PRMT8: variants seen among roughly 807,000 people sequenced by gnomAD.
The protein encoded by PRMT8 is protein arginine N-methyltransferase 8.
In PRMT8, 7 loss-of-function variants were observed where a neutral mutation model predicts 47.1. The ratio of observed to expected loss-of-function variants is 0.15; its 90% confidence interval spans 0.08 to 0.28. PRMT8 has a LOEUF of 0.28. Ranked by LOEUF, PRMT8 falls within the 10% of genes least tolerant of loss-of-function variation. The probability of loss-of-function intolerance (pLI) is 1.00; values close to 1 mark genes in which losing one functional copy is unlikely to be tolerated. For synonymous variants in PRMT8, 188 were observed against 186.5 expected, an observed-to-expected ratio of 1.01 and a Z score of -0.07; for missense variants, 237 against 505.4, an observed-to-expected ratio of 0.47 and a Z score of 5.09.
chr12:3,476,826 C>G (rs1865219528), intron 1 of PRMT8, among the ~76,000 whole-genome samples: 1 of 152,158 alleles, frequency 6.6e-6, no homozygotes, highest in Admixed American at 6.5e-5. Context: ...ATGCATGCAG[C>G]AAGACTGTGA....
chr12:3,523,080 C>T (rs1032209056), intron 1 of PRMT8, among the ~76,000 whole-genome samples: 12 of 152,094 alleles, frequency 7.9e-5, no homozygotes, highest in African/African-American at 2.9e-4. Flanking sequence ...AAGTTCAATG[C>T]CTGCCAAGTC....
chr12:3,574,716 G>A (rs1014612928), intron 6 of PRMT8, among the ~76,000 whole-genome samples: 1 of 152,140 alleles, frequency 6.6e-6, no homozygotes, highest in African/African-American at 2.4e-5. Context: ...TAGAAACCAA[G>A]GCTTAGAAAG....
intron 4 of PRMT8, among the ~76,000 whole-genome samples, chr12:3,562,446 G>A (rs1866653643): frequency 1.3e-5 from 2 of 152,072 alleles, no homozygotes; most frequent in South Asian, 4.1e-4. Context: ...AGTCTCGGGG[G>A]AAGACAGACA....
Position 3,583,835 on chromosome 12 carries a change from C to G in PRMT8, c.979+627C>G, listed in dbSNP as rs938148002. Among the ~76,000 whole-genome samples the G allele has an allele frequency of 6.6e-6, 1 of 152,232 alleles. No individual in the cohort carries two copies. The highest frequency in any genetic ancestry group is 1.5e-5 in the Non-Finnish European group (1 of 68,038). Reference sequence around the variant, plus strand: ...CCCACTCTCCAGCCTCATTCCTCACCACCCCTCTTGGCCGAGCCCTGTCCC... The same window carrying G: ...CCCACTCTCCAGCCTCATTCCTCACGACCCCTCTTGGCCGAGCCCTGTCCC... On this transcript the variant is annotated intron_variant, in intron 8 of 9. Transcript: ENST00000382622. This position sits in a 1 kb window ranked among gnomAD's most constrained non-coding sequence, Gnocchi z 4.7.
chr12:3,427,408 C>T (rs1453072456), intron 1 of PRMT8, among the ~76,000 whole-genome samples: 1 of 152,124 alleles, frequency 6.6e-6, no homozygotes, highest in Non-Finnish European at 1.5e-5. Flanking sequence ...GATGATACCC[C>T]TTTAACTTTA....
intron 1 of PRMT8, among the ~76,000 whole-genome samples, chr12:3,442,574 C>T (rs1381473416): frequency 6.6e-6 from 1 of 152,172 alleles, no homozygotes; most frequent in South Asian, 2.1e-4. Context: ...GAATGGGGTA[C>T]CAGGGCTTGG....
rs150012534 is a variant in PRMT8, at chr12:3,572,810, G to C, written c.712+3246G>C. ...TTAGCCTCATCAGAGAAACTCAGAT[G>C]GTTGGGGCTGGGGTGGTGAGGGAGG... On this transcript the variant is annotated intron_variant, in intron 6 of 9. Coordinates refer to ENST00000382622, the MANE Select transcript of PRMT8 (RefSeq NM_019854.5). This position sits in a 1 kb window ranked among gnomAD's most constrained non-coding sequence, Gnocchi z 5.9. Among the ~76,000 whole-genome samples the C allele has an allele frequency of 9.4e-4, 143 of 152,322 alleles. 1 individual carries two copies. Among genetic ancestry groups the C allele is most frequent in the African/African-American group, 3.2e-3 (133 of 41,554 alleles).
At position 3,585,404 on chromosome 12, in the gene PRMT8, G is replaced by A. The variant is rs187668011; in HGVS notation, c.979+2196G>A. Among the ~76,000 whole-genome samples the A allele has an allele frequency of 5.3e-5, 7 of 132,014 alleles. No homozygotes were observed. The East Asian group carries it at 1.4e-3, about 26-fold the overall frequency. The allele number at this position is 132,014 out of a possible 152,430, so 86.6% of individuals were successfully genotyped here. Reference sequence around the variant, plus strand: ...GACAAGGTCTCACTCTGTCTCCCAGGCTGGAGTGCAGTGGCACAATCATAG... The same window carrying A: ...GACAAGGTCTCACTCTGTCTCCCAGACTGGAGTGCAGTGGCACAATCATAG... On this transcript the variant is annotated intron_variant, in intron 8 of 9. Transcript: ENST00000382622.
chr12:3,419,628 C>T (rs1021198919), intron 1 of PRMT8, among the ~76,000 whole-genome samples: 7 of 152,056 alleles, frequency 4.6e-5, no homozygotes, highest in South Asian at 2.1e-4. Context: ...TCTCCATCCC[C>T]GCTACCACTC....
intron 1 of PRMT8, among the ~76,000 whole-genome samples, chr12:3,405,714 A>G (rs1047111695): frequency 6.6e-6 from 1 of 152,208 alleles, no homozygotes; most frequent in Non-Finnish European, 1.5e-5. Context: ...CTTTGACACC[A>G]TGTCTCACAT....
chr12:3,396,543 C>A (rs553257180), intron 1 of PRMT8, among the ~76,000 whole-genome samples: 1 of 152,348 alleles, frequency 6.6e-6, no homozygotes, highest in East Asian at 1.9e-4. Context: ...TATTGGCCCT[C>A]ACTCTCTTCT....
Position 3,593,515 on chromosome 12 carries a change from T to C in PRMT8, c.*333T>C, listed in dbSNP as rs950407912. 18 of 334,616 alleles carry C rather than the reference T, an allele frequency of 5.4e-5. No homozygotes were observed. The highest frequency in any genetic ancestry group is 3.7e-4 in the African/African-American group (17 of 45,588). 20.7% of individuals were successfully genotyped at this position (334,616 alleles called of 1,614,324 possible). ...CTGTGACTCTCCGGGTCTTCTGAGT[T>C]TTGCATGCTGCGGGTGTCTAGGACA... On this transcript the variant is annotated 3_prime_UTR_variant, in exon 10 of 10. Coordinates refer to ENST00000382622, the MANE Select transcript of PRMT8 (RefSeq NM_019854.5). The surrounding 1 kb of genome is among the most constrained non-coding windows in gnomAD (Gnocchi z 4.8).
intron 7 of PRMT8, among the ~76,000 whole-genome samples, 167 bp from the exon 8 acceptor site, chr12:3,582,891 G>A (rs566593013): frequency 6.6e-6 from 1 of 152,250 alleles, no homozygotes; most frequent in South Asian, 2.1e-4. Context: ...AAAGGATGGA[G>A]GAGGTGATTG....
At chr12:3,413,717 G>C (rs1325238799) in intron 1 of PRMT8, among the ~76,000 whole-genome samples, 1 of 152,218 alleles carries the variant, frequency 6.6e-6, no homozygotes, top group East Asian at 1.9e-4. Flanking sequence ...CATATGCGGT[G>C]TGTCGTTGAC....
intron 1 of PRMT8, among the ~76,000 whole-genome samples, chr12:3,403,968 A>G (rs1222264905): frequency 1.3e-5 from 2 of 151,974 alleles, no homozygotes; most frequent in African/African-American, 4.8e-5. Flanking sequence ...ACATATTTGT[A>G]ATTTTTTAAA....
At chr12:3,487,085 T>TGCAGCCTTGGCTTGGCTCCC (rs1277659957), upstream of PRMT8, among the ~76,000 whole-genome samples, 3 of 152,234 alleles carry the variant, frequency 2.0e-5, no homozygotes, top group African/African-American at 4.8e-5. Flanking sequence ...AGCTGGCTGC[T>TGCAGCCTTGGCTTGGCTCCC]GCAGCCTTGG....
chr12:3,452,788 G>C (rs1266226245), intron 1 of PRMT8, among the ~76,000 whole-genome samples: 1 of 152,218 alleles, frequency 6.6e-6, no homozygotes, highest in East Asian at 1.9e-4. Flanking sequence ...GTTCAAGGCA[G>C]AGGAGAGGTA....
chr12:3,504,805 T>C (rs9705886), intron 1 of PRMT8, among the ~76,000 whole-genome samples: 26 of 12,552 alleles, frequency 2.1e-3, no homozygotes, highest in South Asian at 3.6e-3. Flanking sequence ...CCCAGCCTCG[T>C]TGCCGCCTTG....
At chr12:3,444,871 C>T (rs1450500206) in intron 1 of PRMT8, among the ~76,000 whole-genome samples, 2 of 152,180 alleles carry the variant, frequency 1.3e-5, no homozygotes, top group Non-Finnish European at 2.9e-5. Flanking sequence ...TGGCAGCAAA[C>T]CCCACCCGGG....
Sources: gnomAD v4.1 joint callset for allele counts (sites outside exome capture counted in the v4.1 genomes callset) on GRCh38, gnomAD v4.1.1 for gene constraint, Gnocchi (gnomAD v3.1) non-coding constraint, MANE v1.5 for transcripts, NCBI Gene and HGNC (gene_info 2026-07-23, HGNC 2026-07-21) for gene names.